Variants in EXOC4 observed in about 807,000 individuals in gnomAD.
The protein encoded by EXOC4 is exocyst complex component 4.
In EXOC4, 71 loss-of-function variants were observed where a neutral mutation model predicts 107.2. That is an observed-to-expected ratio of 0.66 (90% CI 0.55 to 0.81). The LOEUF is 0.81. Among genes scored for constraint, EXOC4 ranks in the 30% least tolerant of loss-of-function variants. EXOC4 has a pLI of 0.00. For synonymous variants in EXOC4, 456 were observed against 441.2 expected (o/e 1.03, Z -0.42); for missense variants, 1,108 against 1,189.6 (o/e 0.93, Z 1.01).
chr7:133,973,157 C>T (rs115839707), intron 14 of EXOC4, among the ~76,000 whole-genome samples: 2,497 of 152,276 alleles, frequency 0.016, 73 homozygotes, highest in African/African-American at 0.055. Context: ...GACCCAGCCT[C>T]TGCCTACAGG....
chr7:133,757,748 T>G (rs1024488052), intron 10 of EXOC4, among the ~76,000 whole-genome samples: 1 of 152,232 alleles, frequency 6.6e-6, no homozygotes, highest in Non-Finnish European at 1.5e-5. Context: ...TGAGTGCTAT[T>G]CATATGACAA....
At chr7:133,646,721 C>A (rs1029890811) in intron 10 of EXOC4, among the ~76,000 whole-genome samples, 1 of 152,116 alleles carries the variant, frequency 6.6e-6, no homozygotes, top group Non-Finnish European at 1.5e-5. Context: ...ATTAGCAACA[C>A]CAGGCCTGGA....
chr7:133,875,287 G>A (rs1401907316), intron 11 of EXOC4, among the ~76,000 whole-genome samples: 1 of 152,202 alleles, frequency 6.6e-6, no homozygotes, highest in African/African-American at 2.4e-5. Context: ...AGGAAGAAGG[G>A]TGTTAGGAAA....
In EXOC4 at chr7:134,031,362, T is replaced by G. The variant is rs527445047; in HGVS notation, c.2687+23527T>G. On this transcript the variant is annotated intron_variant, in intron 17 of 17. Transcript: ENST00000253861. ...GGGAATAGCAGAGAGTTTTTGGTTT[T>G]GTTTTGTTTTTGTTCTCTCTGTTTC... 1.5e-4 allele frequency among the ~76,000 whole-genome samples: 23 copies of G among 152,318 alleles called. No individual in the cohort carries two copies. In the East Asian group the frequency reaches 3.1e-3, roughly 20 times the overall value.
intron 9 of EXOC4, among the ~76,000 whole-genome samples, chr7:133,519,045 T>C (rs1334090253): frequency 2.0e-5 from 3 of 152,142 alleles, no homozygotes; most frequent in Non-Finnish European, 4.4e-5. Context: ...CAGTGAAAAA[T>C]TGGCAACTTC....
intron 10 of EXOC4, among the ~76,000 whole-genome samples, chr7:133,652,526 G>A (rs914669027): frequency 6.6e-6 from 1 of 151,822 alleles, no homozygotes; most frequent in Non-Finnish European, 1.5e-5. Flanking sequence ...TTTCCCCCTT[G>A]CCCAGTGGCA....
chr7:133,522,398 C>CA (rs1428447306), intron 9 of EXOC4, among the ~76,000 whole-genome samples: 1 of 152,108 alleles, frequency 6.6e-6, no homozygotes, highest in Non-Finnish European at 1.5e-5. Flanking sequence ...TGATCAAATA[C>CA]AAATGCTCCT....
chr7:133,726,680 A>G (rs1388817612), intron 10 of EXOC4, among the ~76,000 whole-genome samples: 1 of 152,120 alleles, frequency 6.6e-6, no homozygotes, highest in Non-Finnish European at 1.5e-5. Flanking sequence ...TCCCTCTACT[A>G]GGAGCCCTTT....
intron 17 of EXOC4, among the ~76,000 whole-genome samples, chr7:134,022,723 G>A (rs1038832574): frequency 2.0e-5 from 3 of 152,198 alleles, no homozygotes; most frequent in Non-Finnish European, 4.4e-5. Context: ...TGTTTTAACA[G>A]GGAGCCTTGC....
intron 10 of EXOC4, among the ~76,000 whole-genome samples, chr7:133,726,563 G>A (rs910834981): frequency 6.6e-6 from 1 of 152,106 alleles, no homozygotes; most frequent in African/African-American, 2.4e-5. Flanking sequence ...CCTCTTCATA[G>A]GCCTCCAATA....
chr7:133,484,138 A>T, intron 9 of EXOC4: 1 of 1,609,356 alleles, frequency 6.2e-7, no homozygotes, highest in Non-Finnish European at 8.5e-7. Flanking sequence ...TCAATTTATC[A>T]TACAATTAGA....
intron 10 of EXOC4, among the ~76,000 whole-genome samples, chr7:133,696,184 A>C (rs1368886016): frequency 6.6e-6 from 1 of 152,164 alleles, no homozygotes; most frequent in Non-Finnish European, 1.5e-5. Context: ...TGTGTTTTGC[A>C]GAGATGCTGT....
At chr7:133,634,312 T>G (rs1356280720) in intron 10 of EXOC4, among the ~76,000 whole-genome samples, 1 of 152,216 alleles carries the variant, frequency 6.6e-6, no homozygotes, top group African/African-American at 2.4e-5. Flanking sequence ...CTTGTTTATT[T>G]AATGCTTTCC....
intron 14 of EXOC4, among the ~76,000 whole-genome samples, chr7:133,938,315 T>G (rs1206928531): frequency 6.6e-6 from 1 of 152,194 alleles, no homozygotes; most frequent in African/African-American, 2.4e-5. Context: ...TGGCTTGATA[T>G]TAACATGGCC....
chr7:134,045,152 A>T (rs1367061003), intron 17 of EXOC4, among the ~76,000 whole-genome samples: 3 of 152,230 alleles, frequency 2.0e-5, no homozygotes, highest in Non-Finnish European at 4.4e-5. Flanking sequence ...GTCCTCCTTA[A>T]TAATAAACAT....
chr7:133,629,220 CTTAGTGA>C (rs1426372939), intron 9 of EXOC4, among the ~76,000 whole-genome samples: 2 of 150,434 alleles, frequency 1.3e-5, no homozygotes, highest in Non-Finnish European at 3.0e-5. Flanking sequence ...TTTTTTTTTT[CTTAGTGA>C]TACATAAAAT....
At chr7:133,497,246 C>T (rs1427864575) in intron 9 of EXOC4, among the ~76,000 whole-genome samples, 2 of 152,134 alleles carry the variant, frequency 1.3e-5, no homozygotes, top group Non-Finnish European at 2.9e-5. Context: ...TTCTGACCCA[C>T]AGAAATTGTG....
intron 9 of EXOC4, among the ~76,000 whole-genome samples, chr7:133,492,889 A>G (rs1215235598): frequency 1.3e-5 from 2 of 152,018 alleles, no homozygotes; most frequent in Non-Finnish European, 2.9e-5. Context: ...TTTATCTCCA[A>G]AGCTCTAGGT....
At chr7:133,327,359 A>G (rs13221518) in intron 5 of EXOC4, among the ~76,000 whole-genome samples, 25,313 of 152,118 alleles carry the variant, frequency 0.17, 2,730 homozygotes, top group Non-Finnish European at 0.24. Flanking sequence ...AACCACCCCT[A>G]TTTTGTTAAA....
Sources: allele counts gnomAD v4.1 joint callset (sites outside exome capture counted in the v4.1 genomes callset), GRCh38; gene constraint gnomAD v4.1.1; transcripts MANE v1.5; gene names NCBI Gene and HGNC (gene_info 2026-07-23, HGNC 2026-07-21).